CACNA1C: variants seen among roughly 807,000 people sequenced by gnomAD.
CACNA1C encodes the protein calcium voltage-gated channel subunit alpha1 C.
In CACNA1C, 30 loss-of-function variants were observed where a neutral mutation model predicts 229.0. The ratio of observed to expected loss-of-function variants is 0.13; its 90% CI spans 0.10 to 0.18. The LOEUF (loss-of-function observed/expected upper bound fraction) is 0.18, where lower values mean the gene tolerates loss of function less well. Ranked by LOEUF, CACNA1C falls within the 10% of genes least tolerant of loss-of-function variation. The probability of loss-of-function intolerance (pLI) is 1.00; values close to 1 mark genes in which losing one functional copy is unlikely to be tolerated. For synonymous variants in CACNA1C, 1,114 were observed against 1,132.5 expected (o/e 0.98, Z 0.33); for missense variants, 1,658 against 2,845.0 (o/e 0.58, Z 9.49).
At chr12:1,998,184 T>C (rs912959968) in intron 1 of CACNA1C, among the ~76,000 whole-genome samples, 1 of 152,260 alleles carries the variant, frequency 6.6e-6, no homozygotes, top group Non-Finnish European at 1.5e-5. Context: ...AGTCTTTCTT[T>C]TGTCATTTAT....
At chr12:2,648,412 A>G (rs1400318338) in intron 30 of CACNA1C, 63 bp from the exon 31 acceptor site, 3 of 1,487,020 alleles carry the variant, frequency 2.0e-6, no homozygotes, top group Non-Finnish European at 2.8e-6. Flanking sequence ...GCCAAGACCT[A>G]GAATACCGGG....
At position 2,653,717 on chromosome 12, in the gene CACNA1C, C is replaced by A; in HGVS notation, c.4075-118C>A. 1 of 825,848 alleles carries A rather than the reference C, an allele frequency of 1.2e-6. No homozygotes were observed. The highest frequency in any genetic ancestry group is 2.6e-5 in the East Asian group (1 of 38,072). 51.2% of individuals were successfully genotyped at this position (825,848 alleles called of 1,614,324 possible). A position where few individuals can be genotyped will look rare whatever the true frequency, so the allele number is the denominator to read the frequency against. On this transcript the variant is annotated intron_variant, in intron 32 of 46. Coordinates refer to ENST00000399655, the MANE Select transcript of CACNA1C (RefSeq NM_000719.7). The surrounding 1 kb of genome is among the most constrained non-coding windows in gnomAD (Gnocchi z 4.7). ...CTGTGGGACTCTTGGAAGTGTCCCC[C>A]GGCCCAAACCGGGCAATAGCTGATG...
intron 3 of CACNA1C, among the ~76,000 whole-genome samples, chr12:2,408,367 A>G (rs2154552756): frequency 6.6e-6 from 1 of 152,368 alleles, no homozygotes; most frequent in East Asian, 1.9e-4. Flanking sequence ...TGAATGCTAC[A>G]CTTAAAAATG....
chr12:2,046,665 A>C (rs1301056658), intron 1 of CACNA1C, among the ~76,000 whole-genome samples: 1 of 152,148 alleles, frequency 6.6e-6, no homozygotes. Context: ...ATGTTACCAC[A>C]CCTTGTTATC....
chr12:2,553,363 C>A (rs1599834077), intron 10 of CACNA1C, among the ~76,000 whole-genome samples: 1 of 152,214 alleles, frequency 6.6e-6, no homozygotes, highest in Non-Finnish European at 1.5e-5. Context: ...GCCTACAGTT[C>A]TGTAAAGAAT....
At chr12:2,321,650 A>G (rs978064307) in intron 3 of CACNA1C, among the ~76,000 whole-genome samples, 1 of 152,204 alleles carries the variant, frequency 6.6e-6, no homozygotes, top group Non-Finnish European at 1.5e-5. Flanking sequence ...GTAATTTCAT[A>G]TAGCACTAGG....
chr12:2,036,175 A>C (rs1271468708), intron 1 of CACNA1C, among the ~76,000 whole-genome samples: 1 of 152,200 alleles, frequency 6.6e-6, no homozygotes, highest in Non-Finnish European at 1.5e-5. Flanking sequence ...GCTTTGTTGC[A>C]TTGAAAAGCG....
intron 1 of CACNA1C, among the ~76,000 whole-genome samples, chr12:2,013,366 C>T (rs2154484319): frequency 6.6e-6 from 1 of 152,146 alleles, no homozygotes; most frequent in East Asian, 1.9e-4. Flanking sequence ...ATATCCTGCA[C>T]AAAAGAGTCA....
chr12:2,431,061 A>G (rs1477163945), intron 3 of CACNA1C, among the ~76,000 whole-genome samples: 1 of 152,132 alleles, frequency 6.6e-6, no homozygotes, highest in African/African-American at 2.4e-5. Context: ...GCAGGGTGAT[A>G]TGTTTGAGAA....
intron 3 of CACNA1C, among the ~76,000 whole-genome samples, chr12:2,261,793 C>G (rs953778808): frequency 3.9e-5 from 6 of 152,228 alleles, no homozygotes; most frequent in African/African-American, 1.4e-4. Context: ...ACCAGCAGTT[C>G]CATGCCATCC....
chr12:2,436,291 G>C (rs896522986), intron 3 of CACNA1C, among the ~76,000 whole-genome samples: 2 of 152,204 alleles, frequency 1.3e-5, no homozygotes, highest in Non-Finnish European at 2.9e-5. Flanking sequence ...AAGGTAGGAA[G>C]AAGCCACCAC....
chr12:2,392,652 G>A (rs1000278825), intron 3 of CACNA1C, among the ~76,000 whole-genome samples: 1 of 152,096 alleles, frequency 6.6e-6, no homozygotes, highest in Non-Finnish European at 1.5e-5. Context: ...AAGATACCTG[G>A]GTTTAAAAAG....
chr12:2,363,547 G>T (rs1279016714), intron 3 of CACNA1C, among the ~76,000 whole-genome samples: 1 of 152,134 alleles, frequency 6.6e-6, no homozygotes, highest in Non-Finnish European at 1.5e-5. Context: ...CAGTTTGCTG[G>T]GGTTCCCAGT....
intron 3 of CACNA1C, among the ~76,000 whole-genome samples, chr12:2,437,630 G>T (rs2099147531): frequency 6.6e-6 from 1 of 152,228 alleles, no homozygotes. Flanking sequence ...TATGGTGGAG[G>T]TGATGATGGT....
chr12:2,181,304 C>G lies in CACNA1C; in HGVS notation c.477+60874C>G, dbSNP rs1272380160. On this transcript the variant is annotated intron_variant, in intron 3 of 46. Transcript: ENST00000399655. This position sits in a 1 kb window ranked among gnomAD's most constrained non-coding sequence, Gnocchi z 4.0. ...CAGAGGCAGTTCCTGAGTCTCTAGTCTTGGGGCTCATGCTTGAAGTTATTT... is the reference window on the plus strand; with the variant it reads ...CAGAGGCAGTTCCTGAGTCTCTAGTGTTGGGGCTCATGCTTGAAGTTATTT... 6.6e-6 allele frequency among the ~76,000 whole-genome samples: 1 copy of G among 152,142 alleles called. No homozygotes were observed. The highest frequency in any genetic ancestry group is 2.4e-5 in the African/African-American group (1 of 41,424).
intron 3 of CACNA1C, among the ~76,000 whole-genome samples, chr12:2,370,868 G>A (rs1017084912): frequency 1.3e-5 from 2 of 152,126 alleles, no homozygotes; most frequent in Non-Finnish European, 2.9e-5. Flanking sequence ...GGCAGTCTGC[G>A]GTGTCCAGGT....
At chr12:2,120,692 G>GTGTGTGTGTGTGTGT (rs764879260) in intron 3 of CACNA1C, among the ~76,000 whole-genome samples, 1 of 150,534 alleles carries the variant, frequency 6.6e-6, no homozygotes, top group African/African-American at 2.5e-5. Context: ...GTGTGTGTGT[G>GTGTGTGTGTGTGTGT]TGTGTTTAGT....
At chr12:2,586,046 A>G in intron 18 of CACNA1C, 142 bp downstream of exon 18, 1 of 534,354 alleles carries the variant, frequency 1.9e-6, no homozygotes, top group South Asian at 3.5e-5. Context: ...AGTGTCTTCT[A>G]TCTCTATATT....
intron 3 of CACNA1C, among the ~76,000 whole-genome samples, chr12:2,138,026 G>A (rs1454885826): frequency 1.3e-5 from 2 of 151,570 alleles, no homozygotes; most frequent in East Asian, 3.8e-4. Flanking sequence ...GAGTGTAGCT[G>A]CTGAGTAGTT....
Sources: allele counts gnomAD v4.1 joint callset (sites outside exome capture counted in the v4.1 genomes callset), GRCh38; gene constraint gnomAD v4.1.1; non-coding constraint Gnocchi (gnomAD v3.1); transcripts MANE v1.5; gene names NCBI Gene and HGNC (gene_info 2026-07-23, HGNC 2026-07-21).